Variants in LRBA observed in about 807,000 individuals in gnomAD.
LRBA encodes lipopolysaccharide-responsive and beige-like anchor protein.
Under a neutral mutation model 330.0 loss-of-function variants are expected in LRBA, and 176 were observed. The observed-to-expected ratio is 0.53, with a 90% CI of 0.47 to 0.60. LRBA has a LOEUF of 0.60. Among genes scored for constraint, LRBA ranks in the 20% least tolerant of loss-of-function variants. The pLI is 0.00. For missense variants in LRBA, 3,259 were observed against 3,444.8 expected, an observed-to-expected ratio of 0.95 and a Z score of 1.35; for synonymous variants, 1,230 against 1,193.0, an observed-to-expected ratio of 1.03 and a Z score of -0.64.
In LRBA at chr4:151,014,556, T is replaced by C. The variant is rs1173497125; in HGVS notation, c.87A>G (p.Glu29=). The C allele has an allele frequency of 3.1e-6, 5 of 1,613,428 alleles. No homozygotes were observed. The highest frequency in any genetic ancestry group is 1.7e-5 in the Admixed American group (1 of 59,930). ...CTGGTTTCAGAGACAATGCACCCCCTTCAGTAGGGGTTTCTTCTCTCCCTC... is the reference window on the plus strand; with the variant it reads ...CTGGTTTCAGAGACAATGCACCCCCCTCAGTAGGGGTTTCTTCTCTCCCTC... ...GGGGREETPT[E]GGALSLKPGL... The change falls in exon 2 of 57, where the codon GAA becomes GAG. Residue 29 remains glutamate, a synonymous_variant. Coordinates refer to ENST00000651943, the MANE Select transcript of LRBA (RefSeq NM_001364905.1).
chr4:150,311,671 A>T (rs1255488328), intron 51 of LRBA, among the ~76,000 whole-genome samples: 3 of 152,194 alleles, frequency 2.0e-5, no homozygotes, highest in Non-Finnish European at 2.9e-5. Flanking sequence ...AGATTATTGG[A>T]TAACTGTTTG....
chr4:150,269,075 A>G (rs1249426549), intron 56 of LRBA, among the ~76,000 whole-genome samples: 1 of 152,246 alleles, frequency 6.6e-6, no homozygotes, highest in Non-Finnish European at 1.5e-5. Flanking sequence ...TTGCATTTTT[A>G]TACACTAACA....
chr4:150,415,685 G>A, intron 46 of LRBA, 95 bp from the exon 47 acceptor site: 1 of 734,688 alleles, frequency 1.4e-6, no homozygotes, highest in South Asian at 2.2e-5. Context: ...TTGTTCAGAA[G>A]AACAAAATAA....
chr4:150,905,948 G>C lies in LRBA; in HGVS notation c.1645C>G (p.Leu549Val). 6.2e-7 allele frequency: 1 copy of C among 1,613,610 alleles called. No homozygotes were observed. The highest frequency in any genetic ancestry group is 8.5e-7 in the Non-Finnish European group (1 of 1,179,696). Residue 549 changes from leucine to valine, a missense_variant, in exon 13 of 57, where the codon CTT (leucine) becomes GTT (valine). By Grantham distance (32) the Leu-to-Val change is conservative. Coordinates refer to ENST00000651943, the MANE Select transcript of LRBA (RefSeq NM_001364905.1). ...TTACTCAGATATTTTGAAAATGCAA[G>C]GCAAAGTTCAAGTACTGCTCTGCTA... ...HVSRAVLELC[L>V]AFSKYLSNLQ...
chr4:150,727,554 T>C (rs569362460), intron 36 of LRBA, among the ~76,000 whole-genome samples: 1 of 152,162 alleles, frequency 6.6e-6, no homozygotes, highest in East Asian at 1.9e-4. Flanking sequence ...AAATCAATAA[T>C]AACAGGAATA....
At chr4:150,687,443 T>A (rs1236892172) in intron 36 of LRBA, among the ~76,000 whole-genome samples, 1 of 152,264 alleles carries the variant, frequency 6.6e-6, no homozygotes, top group Non-Finnish European at 1.5e-5. Context: ...GAATTTTTTA[T>A]GTTTTATATC....
intron 47 of LRBA, among the ~76,000 whole-genome samples, chr4:150,376,002 T>A (rs1002807556): frequency 6.6e-6 from 1 of 152,194 alleles, no homozygotes; most frequent in Non-Finnish European, 1.5e-5. Context: ...AAAGGTTGCA[T>A]ATTTAAGTAT....
rs70941440 is a variant in LRBA, at chr4:150,768,927, C to CTTTT, written c.5581-7084_5581-7081dup. Among the ~76,000 whole-genome samples the CTTTT allele has an allele frequency of 3.1e-3, 232 of 75,060 alleles. 31 individuals carry two copies. Among genetic ancestry groups the CTTTT allele is most frequent in the African/African-American group, 0.011 (207 of 19,706 alleles). The allele number at this position is 75,060 out of a possible 152,430, so 49.2% of individuals were successfully genotyped here. Reference sequence around the variant, plus strand: ...TAGGGATTTTATCAAGTGCTGTCTCCTTTTTTTTTTTTTTTTTTTTTTTTT... The same window carrying CTTTT: ...TAGGGATTTTATCAAGTGCTGTCTCCTTTTTTTTTTTTTTTTTTTTTTTTTTTTT... On this transcript the variant is annotated intron_variant, in intron 34 of 56. Coordinates refer to ENST00000651943, the MANE Select transcript of LRBA (RefSeq NM_001364905.1).
intron 40 of LRBA, among the ~76,000 whole-genome samples, chr4:150,552,662 A>C (rs1430981619): frequency 2.6e-5 from 4 of 152,192 alleles, no homozygotes; most frequent in Non-Finnish European, 5.9e-5. Flanking sequence ...TAACCAAAGG[A>C]TTATAAATCA....
chr4:150,826,535 G>A (rs1746310235), intron 30 of LRBA, among the ~76,000 whole-genome samples: 1 of 152,058 alleles, frequency 6.6e-6, no homozygotes, highest in South Asian at 2.1e-4. Flanking sequence ...TGTACAAGAA[G>A]GCCTGGACAA....
At chr4:150,332,218 CA>C (rs1420904635) in intron 48 of LRBA, among the ~76,000 whole-genome samples, 1 of 152,102 alleles carries the variant, frequency 6.6e-6, no homozygotes, top group Non-Finnish European at 1.5e-5. Flanking sequence ...GACATATAAT[CA>C]ACATCATATT....
At chr4:150,525,233 A>C (rs1252997747) in intron 40 of LRBA, among the ~76,000 whole-genome samples, 1 of 151,870 alleles carries the variant, frequency 6.6e-6, no homozygotes, top group African/African-American at 2.4e-5. Flanking sequence ...ACTGAAGAAA[A>C]TATTATTTTA....
chr4:150,898,056 T>C (rs1401016430), intron 14 of LRBA, among the ~76,000 whole-genome samples: 1 of 152,052 alleles, frequency 6.6e-6, no homozygotes, highest in Admixed American at 6.6e-5. Flanking sequence ...AAGAAGTTTG[T>C]ACTTTGAATA....
intron 43 of LRBA, among the ~76,000 whole-genome samples, chr4:150,468,704 A>C (rs1755744028): frequency 1.3e-5 from 2 of 152,030 alleles, no homozygotes; most frequent in Non-Finnish European, 2.9e-5. Context: ...TTCCTTTCTT[A>C]TTATATATTC....
chr4:150,589,247 G>A (rs1178602483), intron 39 of LRBA, among the ~76,000 whole-genome samples: 1 of 152,166 alleles, frequency 6.6e-6, no homozygotes, highest in East Asian at 1.9e-4. Context: ...GTGAATAAGT[G>A]TTTCAAAATT....
chr4:150,632,979 T>C (rs1193882878), intron 37 of LRBA, among the ~76,000 whole-genome samples: 1 of 152,194 alleles, frequency 6.6e-6, no homozygotes, highest in East Asian at 1.9e-4. Context: ...TATGATCTCA[T>C]CCAAACTTTT....
Position 150,285,984 on chromosome 4 carries a change from T to C in LRBA, c.8068A>G (p.Thr2690Ala), listed in dbSNP as rs749442458. ...AGCTCCGCACACACCGCAGCACATGTGACCTCATAGTCATGGCCGGTCAAA... is the reference window on the plus strand; with the variant it reads ...AGCTCCGCACACACCGCAGCACATGCGACCTCATAGTCATGGCCGGTCAAA... The part of the protein sequence containing the change: ...AILTGHDYEV[T>A]CAAVCAELGL... Residue 2690 changes from threonine (T) to alanine (A), a missense_variant, in exon 54 of 57, where the codon ACA (threonine) becomes GCA (alanine). Coordinates refer to ENST00000651943, the MANE Select transcript of LRBA (RefSeq NM_001364905.1). 3.1e-6 allele frequency: 5 copies of C among 1,598,478 alleles called. No individual in the cohort carries two copies. The highest frequency in any genetic ancestry group is 4.3e-6 in the Non-Finnish European group (5 of 1,172,534).
intron 30 of LRBA, 25 bp downstream of exon 30, chr4:150,828,155 C>A: frequency 6.2e-7 from 1 of 1,605,280 alleles, no homozygotes; most frequent in South Asian, 1.1e-5. Flanking sequence ...AGAAACATAC[C>A]AAAACGAAAA....
chr4:150,804,219 C>T (rs188839925), intron 33 of LRBA, among the ~76,000 whole-genome samples: 605 of 152,162 alleles, frequency 4.0e-3, no homozygotes, highest in Non-Finnish European at 4.8e-3. Context: ...AAATTATATC[C>T]TTCAATAGAT....
Sources: gnomAD v4.1 joint callset for allele counts (sites outside exome capture counted in the v4.1 genomes callset) on GRCh38, gnomAD v4.1.1 for gene constraint, MANE v1.5 for transcripts, NCBI Gene and HGNC (gene_info 2026-07-23, HGNC 2026-07-21) for gene names.